The following TEC variants were observed in gnomAD, a reference collection of about 807,000 sequenced individuals.
The protein encoded by TEC is tec protein tyrosine kinase, also known as tyrosine-protein kinase Tec.
Under a neutral mutation model 93.0 loss-of-function variants are expected in TEC, and 72 were observed. The ratio of observed to expected loss-of-function variants is 0.77; its 90% CI spans 0.64 to 0.94. The LOEUF (loss-of-function observed/expected upper bound fraction) is 0.94, where lower values mean the gene tolerates loss of function less well. Among genes scored for constraint, TEC ranks in the 40% least tolerant of loss-of-function variants. The pLI is 0.00. For missense variants in TEC, 630 were observed against 757.9 expected, an observed-to-expected ratio of 0.83 and a Z score of 1.98; for synonymous variants, 249 against 247.7, an observed-to-expected ratio of 1.01 and a Z score of -0.05.
At chr4:48,168,203 T>C (rs2109542888) in intron 6 of TEC, among the ~76,000 whole-genome samples, 1 of 152,320 alleles carries the variant, frequency 6.6e-6, no homozygotes, top group East Asian at 1.9e-4. Context: ...AAAGTGCATG[T>C]TTCCTCCACT....
rs1719873984 is a variant in TEC at position 48,145,574 on chromosome 4, A to G, written c.1087T>C (p.Trp363Arg). 6.2e-7 allele frequency: 1 copy of G among 1,613,904 alleles called. No homozygotes were observed. Among genetic ancestry groups the G allele is most frequent in the African/African-American group, 1.3e-5 (1 of 74,912 alleles). Residue 363 changes from tryptophan (W) to arginine (R), a missense_variant, in exon 13 of 18, where the codon TGG becomes CGG. By Grantham distance (101) the Trp-to-Arg change is moderately radical. Around this residue, in one of 3 missense-constraint regions of TEC, gnomAD observed 289 missense variants for 390.0 expected, o/e 0.74. Transcript: ENST00000381501. ...PTTAGFSYEKWEINPSELTFM... is the reference protein window; with the variant it reads ...PTTAGFSYEKREINPSELTFM... ...GTCAGTTCTGAAGGGTTAATCTCCCATTTCTCTGCAGGACAGAAAGTGAAA... is the reference window on the plus strand; with the variant it reads ...GTCAGTTCTGAAGGGTTAATCTCCCGTTTCTCTGCAGGACAGAAAGTGAAA...
rs191622347 is a variant in TEC, at chr4:48,245,780, C to A, written c.-45-17121G>T. ...ATTCCCCGACTTCTAGGAAAAAAGT[C>A]TGGCTACATTAAAATAGCTGAAGAG... On this transcript the variant is annotated intron_variant, in intron 1 of 17. Transcript: ENST00000381501. Among the ~76,000 whole-genome samples, 114 of 152,164 alleles carry A rather than the reference C, an allele frequency of 7.5e-4. 2 individuals carry two copies. The highest frequency in any genetic ancestry group is 1.3e-3 in the Non-Finnish European group (87 of 68,010).
chr4:48,203,120 T>G (rs1288319720), intron 2 of TEC, among the ~76,000 whole-genome samples: 1 of 152,040 alleles, frequency 6.6e-6, no homozygotes, highest in Admixed American at 6.6e-5. Context: ...TCTCAACACT[T>G]TGGGAGGCTG....
chr4:48,207,579 C>T (rs1174615879), intron 2 of TEC, among the ~76,000 whole-genome samples: 2 of 142,418 alleles, frequency 1.4e-5, no homozygotes, highest in African/African-American at 5.3e-5. Context: ...TCCAGGAGTT[C>T]GAGACCAGCC....
chr4:48,233,965 C>A (rs866837221), intron 1 of TEC, among the ~76,000 whole-genome samples: 1 of 152,142 alleles, frequency 6.6e-6, no homozygotes, highest in Admixed American at 6.5e-5. Context: ...AGGAAAATTT[C>A]TTCAAACTGA....
rs145282740 is a variant in TEC at position 48,212,330 on chromosome 4, A to G, written c.138+16147T>C. ...TATACAGCCAAAGAAGGGAAGGAGG[A>G]AGGAAACATATGAATAGAGGTGGTC... On this transcript the variant is annotated intron_variant, in intron 2 of 17. Coordinates refer to ENST00000381501, the MANE Select transcript of TEC (RefSeq NM_003215.3). Among the ~76,000 whole-genome samples the G allele has an allele frequency of 2.0e-3, 308 of 152,132 alleles. 1 individual carries two copies. Among genetic ancestry groups the G allele is most frequent in the African/African-American group, 7.1e-3 (294 of 41,488 alleles).
At chr4:48,147,190 A>G (rs938800482) in intron 11 of TEC, among the ~76,000 whole-genome samples, 8 of 152,232 alleles carry the variant, frequency 5.3e-5, no homozygotes, top group Non-Finnish European at 2.9e-5. Context: ...CAACAGAATG[A>G]GATATAAATT....
At chr4:48,237,069 C>T (rs892869911) in intron 1 of TEC, among the ~76,000 whole-genome samples, 8 of 152,096 alleles carry the variant, frequency 5.3e-5, no homozygotes, top group African/African-American at 1.7e-4. Flanking sequence ...CGGTGACTTA[C>T]GCCTGTAATC....
In TEC at chr4:48,156,564, G is replaced by A. The variant is rs528410670; in HGVS notation, c.792+116C>T. 53 of 831,938 alleles carry A rather than the reference G, an allele frequency of 6.4e-5. No individual in the cohort carries two copies. The Admixed American group carries it at 1.1e-3, about 18-fold the overall frequency. 51.5% of individuals were successfully genotyped at this position (831,938 alleles called of 1,614,324 possible). Reference sequence around the variant, plus strand: ...TCCCTCAGCCTCTGGGAATAGTTTTGCATAGACTTGCTCACTGCTGAACAC... The same window carrying A: ...TCCCTCAGCCTCTGGGAATAGTTTTACATAGACTTGCTCACTGCTGAACAC... On this transcript the variant is annotated intron_variant, in intron 9 of 17. Transcript: ENST00000381501.
At chr4:48,198,699 G>T (rs1012408363) in intron 2 of TEC, among the ~76,000 whole-genome samples, 2 of 152,036 alleles carry the variant, frequency 1.3e-5, no homozygotes, top group Admixed American at 1.3e-4. Context: ...TCTTTTGGTG[G>T]TCTAATTTAA....
chr4:48,194,188 A>G (rs1338695985), intron 2 of TEC, among the ~76,000 whole-genome samples: 1 of 152,234 alleles, frequency 6.6e-6, no homozygotes, highest in East Asian at 1.9e-4. Context: ...AGGTGCATCG[A>G]AAGGCTCACA....
intron 9 of TEC, among the ~76,000 whole-genome samples, chr4:48,155,634 A>G (rs921829979): frequency 2.0e-5 from 3 of 152,236 alleles, no homozygotes; most frequent in African/African-American, 4.8e-5. Flanking sequence ...GAGTTCCATC[A>G]TAAAATGGAA....
chr4:48,248,289 G>T (rs778542877), intron 1 of TEC, among the ~76,000 whole-genome samples: 1 of 152,034 alleles, frequency 6.6e-6, no homozygotes, highest in African/African-American at 2.4e-5. Flanking sequence ...GGATATCTAG[G>T]GTGGCCTCAT....
intron 1 of TEC, among the ~76,000 whole-genome samples, chr4:48,233,663 G>C (rs1016902007): frequency 2.0e-5 from 3 of 150,964 alleles, no homozygotes; most frequent in Admixed American, 6.6e-5. Context: ...CAAAATCAAA[G>C]AATTAAGGGA....
chr4:48,179,537 T>C (rs1387966969), intron 2 of TEC, among the ~76,000 whole-genome samples: 1 of 151,430 alleles, frequency 6.6e-6, no homozygotes, highest in Non-Finnish European at 1.5e-5. Flanking sequence ...TCCAGGCGTG[T>C]GCCACCACGC....
intron 15 of TEC, among the ~76,000 whole-genome samples, chr4:48,141,049 T>C (rs1002800143): frequency 1.3e-5 from 2 of 152,054 alleles, no homozygotes; most frequent in Admixed American, 1.3e-4. Context: ...TACTATTAAA[T>C]TATAAAAATT....
chr4:48,144,948 C>T (rs1328560492), intron 14 of TEC, 131 bp downstream of exon 14: 1 of 766,560 alleles, frequency 1.3e-6, no homozygotes, highest in Non-Finnish European at 2.2e-6. Flanking sequence ...GTTAAATTTA[C>T]CAACTTTAAA....
chr4:48,148,898 T>C (rs1000169638), intron 11 of TEC, among the ~76,000 whole-genome samples: 2 of 151,292 alleles, frequency 1.3e-5, no homozygotes, highest in Admixed American at 1.3e-4. Context: ...TTATTTAGCT[T>C]CCACTTATAA....
chr4:48,185,847 C>G (rs979642403), intron 2 of TEC, among the ~76,000 whole-genome samples: 1 of 140,088 alleles, frequency 7.1e-6, no homozygotes, highest in Non-Finnish European at 1.6e-5. Context: ...CTCTCCCTCT[C>G]CCTCTCCCGT....
Sources: allele counts gnomAD v4.1 joint callset (sites outside exome capture counted in the v4.1 genomes callset), GRCh38; gene constraint gnomAD v4.1.1; regional missense constraint gnomAD v4.1.1; transcripts MANE v1.5; gene names NCBI Gene and HGNC (gene_info 2026-07-23, HGNC 2026-07-21).